The following CLEC12A variants were observed in gnomAD, a reference collection of about 807,000 sequenced individuals.
CLEC12A encodes the protein C-type lectin domain family 12 member A.
CLEC12A carries 22 observed loss-of-function variants against 26.5 expected under a neutral mutation model. The ratio of observed to expected loss-of-function variants is 0.83; its 90% CI spans 0.59 to 1.19. The LOEUF (loss-of-function observed/expected upper bound fraction) is 1.19. Ranked by LOEUF, CLEC12A falls within the 50% of genes most tolerant of loss-of-function variation. The pLI is 0.00. For missense variants in CLEC12A, 353 were observed against 315.6 expected (o/e 1.12, Z -0.90); for synonymous variants, 119 against 101.9 (o/e 1.17, Z -1.01).
At chr12:9,978,581 C>T (rs1591830734) in intron 1 of CLEC12A, among the ~76,000 whole-genome samples, 1 of 152,268 alleles carries the variant, frequency 6.6e-6, no homozygotes, top group African/African-American at 2.4e-5. Flanking sequence ...AAAGACTTCT[C>T]CTATTGGCTT....
intron 4 of CLEC12A, chr12:9,991,473 A>C (rs944201058): frequency 1.1e-4 from 16 of 152,152 alleles, no homozygotes; most frequent in Non-Finnish European, 1.5e-5. Context: ...AATTTTGTAC[A>C]GTTTTCTGAA....
chr12:9,952,238 C>G (rs1190261899), intron 1 of CLEC12A, among the ~76,000 whole-genome samples: 1 of 144,872 alleles, frequency 6.9e-6, no homozygotes, highest in Non-Finnish European at 1.5e-5. Context: ...CATGTGGAGC[C>G]GAAGCTGGAC....
intron 2 of CLEC12A, 107 bp downstream of exon 2, chr12:9,979,171 A>C: frequency 9.7e-7 from 1 of 1,026,260 alleles, no homozygotes; most frequent in Admixed American, 1.9e-5. Context: ...GATAGGTGAT[A>C]GGCCCACAAG....
In CLEC12A at chr12:9,965,237, T is replaced by A. The variant is rs548028003; in HGVS notation, c.11-6340T>A. Among the ~76,000 whole-genome samples, 3 of 152,208 alleles carry A rather than the reference T, an allele frequency of 2.0e-5. No individual in the cohort carries two copies. In the South Asian group the frequency reaches 6.2e-4, roughly 32 times the overall value. On this transcript the variant is annotated intron_variant, in intron 1 of 6. Coordinates refer to the CLEC12A transcript ENST00000355690. ...GGCTACAGGGTGCGGTCCCAGCTCT[T>A]GTGTAAGAATTCTGACTGCCCTAAC...
chr12:9,992,993 T>C (rs1864926491), intron 4 of CLEC12A: 2 of 674,262 alleles, frequency 3.0e-6, no homozygotes, highest in South Asian at 4.7e-5. Flanking sequence ...AAGAAGGGAC[T>C]AGGTAATTCT....
chr12:9,984,987 T>C lies in CLEC12A; in HGVS notation c.759T>C (p.Asn253=), dbSNP rs774008347. ...GAATGATATGTGAGAAGATGGCCAA[T>C]CCAGTGCAGCTTGGTTCTACATATT... ...KKRMICEKMA[N]PVQLGSTYFR... Residue 253 remains asparagine (N), a synonymous_variant, in exon 6 of 6, where the codon AAT becomes AAC. Transcript: ENST00000304361. 45 of 1,546,766 alleles carry C rather than the reference T, an allele frequency of 2.9e-5. No homozygotes were observed. The East Asian group carries it at 1.1e-3, about 37-fold the overall frequency.
downstream of CLEC12A, among the ~76,000 whole-genome samples, chr12:9,987,350 CA>C (rs1864790398): frequency 1.3e-5 from 2 of 152,114 alleles, no homozygotes; most frequent in African/African-American, 2.4e-5. Context: ...GTTAAAATTC[CA>C]TAGCAAGGCA....
the CLEC12A span, among the ~76,000 whole-genome samples, chr12:10,002,382 CAG>C: frequency 9.6e-4 from 104 of 107,820 alleles, no homozygotes; most frequent in Non-Finnish European, 2.0e-3. Flanking sequence ...CTTTATGAAG[CAG>C]AGTGTTAGAT....
At chr12:9,970,168 G>T (rs1177055817), upstream of CLEC12A, among the ~76,000 whole-genome samples, 1 of 152,018 alleles carries the variant, frequency 6.6e-6, no homozygotes, top group Non-Finnish European at 1.5e-5. Flanking sequence ...GGAGAATTTA[G>T]TTTCTTTTTA....
At chr12:9,989,184 AG>A (rs528164583), downstream of CLEC12A, among the ~76,000 whole-genome samples, 10 of 130,834 alleles carry the variant, frequency 7.6e-5, no homozygotes, top group East Asian at 2.0e-3. Flanking sequence ...GGACACAGGA[AG>A]GGGAACATCA....
At chr12:9,951,613 T>G (rs1863610754) in intron 1 of CLEC12A, 5 of 498,732 alleles carry the variant, frequency 1.0e-5, no homozygotes, top group Non-Finnish European at 1.8e-5. Context: ...CATTTGCAGA[T>G]TGAACTAGCC....
At chr12:9,960,118 G>C (rs940972845) in intron 1 of CLEC12A, among the ~76,000 whole-genome samples, 1 of 152,166 alleles carries the variant, frequency 6.6e-6, no homozygotes, top group Non-Finnish European at 1.5e-5. Context: ...CGTCTATCAA[G>C]TTAGCCAGTG....
Position 9,984,891 on chromosome 12 carries a change from C to A in CLEC12A, c.663C>A (p.Asp221Glu), listed in dbSNP as rs1864709119. The change falls in exon 6 of 6, where the codon GAC becomes GAA. Residue 221 changes from aspartate (D) to glutamate (E), a missense_variant. Physicochemically the swap from Asp to Glu is conservative, Grantham distance 45. Coordinates refer to ENST00000304361, the MANE Select transcript of CLEC12A (RefSeq NM_138337.6). ...TCAGGGTTATAAGAAACGCACCTGA[C>A]TTAAATAACATGTATTGTGGATATA... ...SSAWVIRNAP[D>E]LNNMYCGYIN... is the part of the protein sequence containing the mutation. 2 of 1,537,132 alleles carry A rather than the reference C, an allele frequency of 1.3e-6. No homozygotes were observed. Among genetic ancestry groups the A allele is most frequent in the East Asian group, 2.4e-5 (1 of 41,722 alleles).
At chr12:9,997,493 G>A (rs950763516), downstream of CLEC12A, among the ~76,000 whole-genome samples, 1 of 152,070 alleles carries the variant, frequency 6.6e-6, no homozygotes, top group African/African-American at 2.4e-5. Flanking sequence ...TAAGTGAACT[G>A]TTTGAAGGAG....
At chr12:9,958,517 A>T (rs1216792526) in intron 1 of CLEC12A, among the ~76,000 whole-genome samples, 1 of 152,226 alleles carries the variant, frequency 6.6e-6, no homozygotes, top group African/African-American at 2.4e-5. Flanking sequence ...CAGGTCACTA[A>T]TGCAGGCCTC....
chr12:9,977,452 C>A (rs929751762), intron 1 of CLEC12A, among the ~76,000 whole-genome samples: 1 of 152,184 alleles, frequency 6.6e-6, no homozygotes, highest in Non-Finnish European at 1.5e-5. Context: ...CAAATAAAAC[C>A]TTTAACATCA....
At chr12:10,005,884 G>A in the CLEC12A span, among the ~76,000 whole-genome samples, 11 of 151,514 alleles carry the variant, frequency 7.3e-5, no homozygotes, top group Non-Finnish European at 1.0e-4. Flanking sequence ...TAAATAATTC[G>A]GAATTAATTG....
chr12:9,962,449 G>A (rs918803573), intron 1 of CLEC12A, among the ~76,000 whole-genome samples: 17 of 151,956 alleles, frequency 1.1e-4, no homozygotes, highest in Admixed American at 2.0e-4. Flanking sequence ...ACTCACATCC[G>A]TGTGAAGAGA....
At position 9,979,064 on chromosome 12, in the gene CLEC12A, T is replaced by C. The variant is rs1194400052; in HGVS notation, c.190T>C (p.Phe64Leu). Residue 64 changes from phenylalanine to leucine, a missense_variant and splice_region_variant, in exon 2 of 6, where the codon TTT (phenylalanine) becomes CTT (leucine). Transcript: ENST00000304361. ...LIGLGVLASM[F>L]HVTLKIEMKK... ...TGGATTGGGAGTCTTGGCAAGCATG[T>C]GTATGTACTGCCCCTGTTTTTGTCA... 3 of 1,607,928 alleles carry C rather than the reference T, an allele frequency of 1.9e-6. No individual in the cohort carries two copies. Among genetic ancestry groups the C allele is most frequent in the African/African-American group, 1.3e-5 (1 of 74,764 alleles).
Sources: gnomAD v4.1 joint callset for allele counts (sites outside exome capture counted in the v4.1 genomes callset) on GRCh38, gnomAD v4.1.1 for gene constraint, MANE v1.5 for transcripts, NCBI Gene and HGNC (gene_info 2026-07-23, HGNC 2026-07-21) for gene names.